Variants in NOX4 observed in about 807,000 individuals in gnomAD.
The protein encoded by NOX4 is kidney oxidase-1.
In NOX4, 69 loss-of-function variants were observed where a neutral mutation model predicts 87.6. The observed-to-expected ratio is 0.79, with a 90% CI of 0.65 to 0.96. The LOEUF (loss-of-function observed/expected upper bound fraction) is 0.96. Ranked by LOEUF, NOX4 falls within the 40% of genes least tolerant of loss-of-function variation. NOX4 has a pLI of 0.00. For missense variants in NOX4, 680 were observed against 681.5 expected (o/e 1.00, Z 0.02); for synonymous variants, 275 against 238.2 (o/e 1.15, Z -1.42).
chr11:89,535,790 A>C, the NOX4 span, among the ~76,000 whole-genome samples: 1 of 152,188 alleles, frequency 6.6e-6, no homozygotes, highest in Non-Finnish European at 1.5e-5. Flanking sequence ...CAAATATAAA[A>C]ATTAATTATA....
At chr11:89,412,254 C>T (rs4396292) in intron 8 of NOX4, among the ~76,000 whole-genome samples, 62,679 of 151,844 alleles carry the variant, frequency 0.41, 13,351 homozygotes, top group East Asian at 0.53. Context: ...AGCATTGGAC[C>T]GATCTTTCAG....
chr11:89,362,829 C>T (rs1938633859), intron 12 of NOX4, among the ~76,000 whole-genome samples: 2 of 152,044 alleles, frequency 1.3e-5, no homozygotes, highest in South Asian at 2.1e-4. Flanking sequence ...AACACACACA[C>T]ATGATGCTTG....
At chr11:89,382,150 G>A (rs1184700834) in intron 11 of NOX4, among the ~76,000 whole-genome samples, 1 of 151,812 alleles carries the variant, frequency 6.6e-6, no homozygotes, top group African/African-American at 2.4e-5. Context: ...GAGGGGGGAG[G>A]GCAGGTACCC....
chr11:89,549,418 A>C, the NOX4 span, among the ~76,000 whole-genome samples: 34 of 152,352 alleles, frequency 2.2e-4, no homozygotes, highest in East Asian at 6.4e-3. Flanking sequence ...AGTATCACAT[A>C]AAACACTTTT....
At chr11:89,586,289 T>A in the NOX4 span, among the ~76,000 whole-genome samples, 22 of 152,196 alleles carry the variant, frequency 1.4e-4, no homozygotes, top group Non-Finnish European at 3.1e-4. Flanking sequence ...ATAGTAGCAG[T>A]CAGAATTTAT....
the NOX4 span, among the ~76,000 whole-genome samples, chr11:89,522,456 A>C: frequency 6.6e-6 from 1 of 152,182 alleles, no homozygotes; most frequent in Admixed American, 6.6e-5. Context: ...GCTAAACATT[A>C]GGTACTCATG....
chr11:89,350,125 C>T (rs908343818), intron 13 of NOX4, among the ~76,000 whole-genome samples: 2 of 152,124 alleles, frequency 1.3e-5, no homozygotes, highest in Non-Finnish European at 2.9e-5. Context: ...TTTCATGGAG[C>T]AATGTCTACA....
At chr11:89,496,821 C>A (rs568798062), upstream of NOX4, among the ~76,000 whole-genome samples, 1 of 152,098 alleles carries the variant, frequency 6.6e-6, no homozygotes, top group Non-Finnish European at 1.5e-5. Context: ...TCACAGCAAC[C>A]CTCTTATTGT....
chr11:89,566,872 C>T, the NOX4 span, among the ~76,000 whole-genome samples: 85 of 152,212 alleles, frequency 5.6e-4, 1 homozygote, highest in African/African-American at 2.0e-3. Flanking sequence ...ATGGACTTAC[C>T]ATGGACCTCT....
intron 4 of NOX4, among the ~76,000 whole-genome samples, chr11:89,448,699 T>C (rs1446310693): frequency 6.6e-6 from 1 of 151,646 alleles, no homozygotes; most frequent in Non-Finnish European, 1.5e-5. Flanking sequence ...CTGGGCAACA[T>C]GGTGAAAGCC....
At chr11:89,424,355 T>C (rs1943255767) in intron 7 of NOX4, among the ~76,000 whole-genome samples, 1 of 151,174 alleles carries the variant, frequency 6.6e-6, no homozygotes, top group South Asian at 2.1e-4. Flanking sequence ...TTGGATTCTC[T>C]TAGAAACCTA....
At chr11:89,419,559 T>A (rs1159273483) in intron 8 of NOX4, among the ~76,000 whole-genome samples, 1 of 151,934 alleles carries the variant, frequency 6.6e-6, no homozygotes, top group Non-Finnish European at 1.5e-5. Context: ...TTGCATGACA[T>A]ATTTCAAAAT....
chr11:89,531,297 A>T, the NOX4 span, among the ~76,000 whole-genome samples: 10 of 152,112 alleles, frequency 6.6e-5, no homozygotes, highest in Admixed American at 6.6e-4. Flanking sequence ...TCTCACCAAC[A>T]CATTCAACTT....
intron 17 of NOX4, among the ~76,000 whole-genome samples, chr11:89,329,716 T>A (rs773926635): frequency 1.1e-4 from 16 of 152,070 alleles, no homozygotes; most frequent in Non-Finnish European, 2.2e-4. Flanking sequence ...AATGAAGTGA[T>A]ATCTTCAAAG....
chr11:89,463,065 C>T (rs942701534), intron 2 of NOX4, among the ~76,000 whole-genome samples: 3 of 151,738 alleles, frequency 2.0e-5, no homozygotes, highest in African/African-American at 7.3e-5. Context: ...AAAGGAGGAT[C>T]ATGTTTAAAT....
At chr11:89,582,941 A>C in the NOX4 span, among the ~76,000 whole-genome samples, 1 of 152,186 alleles carries the variant, frequency 6.6e-6, no homozygotes, top group African/African-American at 2.4e-5. Context: ...CCTATACAGG[A>C]AGATTTTGTT....
intron 11 of NOX4, among the ~76,000 whole-genome samples, chr11:89,397,729 T>A (rs1941582933): frequency 6.6e-6 from 1 of 151,820 alleles, no homozygotes; most frequent in South Asian, 2.1e-4. Context: ...AATAGATAAA[T>A]TCCTCGACAC....
At position 89,399,843 on chromosome 11, in the gene NOX4, G is replaced by A. The variant is rs368745624; in HGVS notation, c.1074+174C>T. 1.4e-4 allele frequency among the ~76,000 whole-genome samples: 21 copies of A among 151,990 alleles called. No homozygotes were observed. In the East Asian group the frequency reaches 2.3e-3, roughly 17 times the overall value. On this transcript the variant is annotated intron_variant, in intron 11 of 17. Coordinates refer to ENST00000263317, the MANE Select transcript of NOX4 (RefSeq NM_016931.5). Reference sequence around the variant, plus strand: ...GCAAGGTGTCAAAAAATAATAAAGTGTAGTTACACAGTTCTTGAGCAGATA... The same window carrying A: ...GCAAGGTGTCAAAAAATAATAAAGTATAGTTACACAGTTCTTGAGCAGATA...
intron 7 of NOX4, 92 bp from the exon 8 acceptor site, chr11:89,422,074 C>T: frequency 1.5e-6 from 1 of 673,938 alleles, no homozygotes; most frequent in South Asian, 2.4e-5. Flanking sequence ...AAACATCTCA[C>T]AATTTAAAAA....
Sources: gnomAD v4.1 joint callset for allele counts (sites outside exome capture counted in the v4.1 genomes callset) on GRCh38, gnomAD v4.1.1 for gene constraint, MANE v1.5 for transcripts, NCBI Gene and HGNC (gene_info 2026-07-23, HGNC 2026-07-21) for gene names.